Variants in ADAMTS13 observed in about 807,000 individuals in gnomAD.
The protein encoded by ADAMTS13 is A disintegrin and metalloproteinase with thrombospondin motifs 13.
A neutral mutation model predicts 155.1 loss-of-function variants in ADAMTS13; 110 were observed. That is an observed-to-expected ratio of 0.71 (90% CI 0.61 to 0.83). The LOEUF is 0.83. Ranked by LOEUF, ADAMTS13 falls within the 40% of genes least tolerant of loss-of-function variation. The pLI is 0.00. For missense variants in ADAMTS13, 1,707 were observed against 1,891.7 expected (o/e 0.90, Z 1.81); for synonymous variants, 758 against 756.4 (o/e 1.00, Z -0.03).
intron 23 of ADAMTS13, among the ~76,000 whole-genome samples, chr9:133,450,718 C>G (rs1842386420): frequency 6.6e-6 from 1 of 152,212 alleles, no homozygotes; most frequent in Non-Finnish European, 1.5e-5. Context: ...CGCTGGCACT[C>G]CAGCCTGGGC....
upstream of ADAMTS13, among the ~76,000 whole-genome samples, chr9:133,419,589 G>A (rs1418661009): frequency 1.3e-5 from 2 of 152,156 alleles, no homozygotes; most frequent in Admixed American, 6.5e-5. Flanking sequence ...AGTGCAGTGG[G>A]AGGAGAAGCG....
chr9:133,445,107 G>C lies in ADAMTS13; in HGVS notation c.2610+55G>C, dbSNP rs1179098309. The C allele has an allele frequency of 1.3e-6, 2 of 1,564,692 alleles. No individual in the cohort carries two copies. The highest frequency in any genetic ancestry group is 2.7e-5 in the African/African-American group (2 of 73,896). On this transcript the variant is annotated intron_variant, in intron 20 of 28. Transcript: ENST00000355699. The surrounding 1 kb of genome is among the most constrained non-coding windows in gnomAD (Gnocchi z 5.0). ...GGCTGTTGAGTCCTTTACCTGGCTG[G>C]GAGAACGAGGAGCACCCATTGCCAC...
At chr9:133,429,000 T>A (rs587729154) in intron 7 of ADAMTS13, among the ~76,000 whole-genome samples, 1 of 121,542 alleles carries the variant, frequency 8.2e-6, no homozygotes, top group African/African-American at 3.2e-5. Context: ...CACCCCTCCC[T>A]ACGTCCGTCC....
intron 23 of ADAMTS13, 106 bp from the exon 24 acceptor site, chr9:133,454,309 C>T (rs1409894478): frequency 2.1e-5 from 28 of 1,356,496 alleles, no homozygotes; most frequent in Non-Finnish European, 2.9e-5. Context: ...GCCACGGAAG[C>T]TGTCTAGGCA....
In ADAMTS13 at chr9:133,456,219, T is replaced by A; in HGVS notation, c.3547+4T>A. On this transcript the variant is annotated splice_donor_region_variant and intron_variant, in intron 26 of 28. Coordinates refer to ENST00000355699, the MANE Select transcript of ADAMTS13 (RefSeq NM_139027.6). This position sits in a 1 kb window ranked among gnomAD's most constrained non-coding sequence, Gnocchi z 4.4. ...AGTTCTCTCAACTGCAGTGCGGGTATGTCTAGGGCCATGCAAGCGATGCTG... is the reference window on the plus strand; with the variant it reads ...AGTTCTCTCAACTGCAGTGCGGGTAAGTCTAGGGCCATGCAAGCGATGCTG... 6.2e-7 allele frequency: 1 copy of A among 1,613,426 alleles called. No individual in the cohort carries two copies. The highest frequency in any genetic ancestry group is 8.5e-7 in the Non-Finnish European group (1 of 1,180,008).
At chr9:133,435,994 T>C (rs1220084713) in intron 11 of ADAMTS13, among the ~76,000 whole-genome samples, 15 of 150,538 alleles carry the variant, frequency 1.0e-4, no homozygotes, top group Non-Finnish European at 1.5e-5. Flanking sequence ...TTTTTTTTTT[T>C]TTTAATAGAG....
intron 23 of ADAMTS13, among the ~76,000 whole-genome samples, chr9:133,450,606 T>C (rs1364590903): frequency 6.7e-6 from 1 of 149,300 alleles, no homozygotes; most frequent in Non-Finnish European, 1.5e-5. Flanking sequence ...AAAATTAGCC[T>C]GGCGTGGTGG....
chr9:133,443,809 C>T (rs976887686), intron 19 of ADAMTS13, among the ~76,000 whole-genome samples: 2 of 152,090 alleles, frequency 1.3e-5, no homozygotes, highest in Admixed American at 6.5e-5. Context: ...ATGGGGATGC[C>T]GACCTGCCTG....
At chr9:133,421,687 G>A (rs1343161872), upstream of ADAMTS13, among the ~76,000 whole-genome samples, 1 of 152,208 alleles carries the variant, frequency 6.6e-6, no homozygotes, top group Non-Finnish European at 1.5e-5. Context: ...TAACGATGCA[G>A]GAGGAGAGAG....
chr9:133,429,733 C>T lies in ADAMTS13; in HGVS notation c.825-206C>T, dbSNP rs587725342. 2.1e-5 allele frequency: 16 copies of T among 746,004 alleles called. No individual in the cohort carries two copies. In the South Asian group the frequency reaches 2.2e-4, roughly 10 times the overall value. 46.2% of individuals were successfully genotyped at this position (746,004 alleles called of 1,614,324 possible). A position where few individuals can be genotyped will look rare whatever the true frequency, so the allele number is the denominator to read the frequency against. Reference sequence around the variant, plus strand: ...CTCCGTCGCCGCTCCCTCTGCTGGCCACCCACCTCTGCGCCGGCAGGAGCC... The same window carrying T: ...CTCCGTCGCCGCTCCCTCTGCTGGCTACCCACCTCTGCGCCGGCAGGAGCC... On this transcript the variant is annotated intron_variant, in intron 7 of 28. Transcript: ENST00000355699.
intron 6 of ADAMTS13, among the ~76,000 whole-genome samples, chr9:133,427,634 A>G (rs1419159261): frequency 1.3e-5 from 2 of 152,202 alleles, no homozygotes; most frequent in African/African-American, 2.4e-5. Context: ...CACCGAGGAA[A>G]GAATTCAAGA....
At chr9:133,429,620 G>C in intron 7 of ADAMTS13, 1 of 227,138 alleles carries the variant, frequency 4.4e-6, no homozygotes, top group Non-Finnish European at 9.2e-6. Context: ...TCCCCCACCC[G>C]CGTACATGTA....
intron 11 of ADAMTS13, among the ~76,000 whole-genome samples, chr9:133,435,258 C>T (rs1554788636): frequency 6.6e-6 from 1 of 150,936 alleles, no homozygotes; most frequent in Non-Finnish European, 1.5e-5. Flanking sequence ...GCAATCTCAG[C>T]TCCCTGCAAC....
At chr9:133,458,867 A>G in intron 28 of ADAMTS13, 107 bp from the exon 29 acceptor site, 1 of 1,042,202 alleles carries the variant, frequency 9.6e-7, no homozygotes, top group Non-Finnish European at 1.5e-6. Context: ...AGGGCTTTGT[A>G]AGCATTAAAT....
intron 23 of ADAMTS13, among the ~76,000 whole-genome samples, chr9:133,451,646 T>G (rs1467036175): frequency 1.3e-5 from 2 of 152,166 alleles, no homozygotes; most frequent in Non-Finnish European, 2.9e-5. Flanking sequence ...ATCTCAGCAC[T>G]TCAGGAGGCT....
rs1460420787 is a variant in ADAMTS13 at position 133,454,482 on chromosome 9, G to C, written c.3112G>C (p.Ala1038Pro). Residue 1038 changes from alanine (A) to proline (P), a missense_variant, in exon 24 of 29, where the codon GCC (alanine) becomes CCC (proline). By Grantham distance (27) the Ala-to-Pro change is conservative. This residue lies in a region of ADAMTS13 where 961 missense variants were observed against 1,107.9 expected (regional missense o/e 0.87). Transcript: ENST00000355699. ...CGLGTARRSV[A>P]CVQLDQGQDV... is the part of the protein sequence containing the mutation. ...CCTTGGCACTGCTAGACGCTCGGTG[G>C]CCTGTGTGCAGCTCGACCAAGGCCA... 1.9e-6 allele frequency: 3 copies of C among 1,613,064 alleles called. No homozygotes were observed. Among genetic ancestry groups the C allele is most frequent in the Admixed American group, 1.7e-5 (1 of 60,016 alleles).
chr9:133,437,281 G>A (rs1053476059), intron 12 of ADAMTS13, among the ~76,000 whole-genome samples: 1 of 152,160 alleles, frequency 6.6e-6, no homozygotes, highest in East Asian at 1.9e-4. Flanking sequence ...TTGTGAGACA[G>A]AGTCTTGCTC....
At chr9:133,450,726 G>A (rs1196469215) in intron 23 of ADAMTS13, among the ~76,000 whole-genome samples, 1 of 152,182 alleles carries the variant, frequency 6.6e-6, no homozygotes, top group Non-Finnish European at 1.5e-5. Flanking sequence ...CTCCAGCCTG[G>A]GCTACAGAGC....
chr9:133,446,520 A>G (rs1842077387), intron 21 of ADAMTS13, among the ~76,000 whole-genome samples: 1 of 152,216 alleles, frequency 6.6e-6, no homozygotes, highest in African/African-American at 2.4e-5. Context: ...TTCCTTCTTA[A>G]GGCTGAAAAA....
Sources: gnomAD v4.1 joint callset for allele counts (sites outside exome capture counted in the v4.1 genomes callset) on GRCh38, gnomAD v4.1.1 for gene constraint, gnomAD v4.1.1 regional missense constraint, Gnocchi (gnomAD v3.1) non-coding constraint, MANE v1.5 for transcripts, NCBI Gene and HGNC (gene_info 2026-07-23, HGNC 2026-07-21) for gene names.